The following SHISA9 variants were observed in gnomAD, a reference collection of about 807,000 sequenced individuals.
The protein encoded by SHISA9 is shisa family member 9.
Under a neutral mutation model 38.0 loss-of-function variants are expected in SHISA9, and 13 were observed. The observed-to-expected ratio is 0.34, with a 90% CI of 0.22 to 0.54. The LOEUF (loss-of-function observed/expected upper bound fraction) is 0.54. Among genes scored for constraint, SHISA9 ranks in the 20% least tolerant of loss-of-function variants. SHISA9 has a pLI of 0.91. For missense variants in SHISA9, 538 were observed against 575.8 expected, an observed-to-expected ratio of 0.93 and a Z score of 0.67; for synonymous variants, 275 against 242.0, an observed-to-expected ratio of 1.14 and a Z score of -1.27.
intron 2 of SHISA9, among the ~76,000 whole-genome samples, chr16:12,960,687 G>A (rs376611614): frequency 7.2e-5 from 11 of 152,310 alleles, no homozygotes; most frequent in African/African-American, 2.6e-4. Context: ...CACATCATGT[G>A]TTCTCACTTT....
intron 2 of SHISA9, among the ~76,000 whole-genome samples, chr16:13,061,349 T>C (rs775976591): frequency 1.2e-4 from 18 of 152,238 alleles, no homozygotes; most frequent in Non-Finnish European, 2.4e-4. Flanking sequence ...GGAAATAGTT[T>C]TGATGCCTAT....
chr16:13,354,843 G>C, the SHISA9 span, among the ~76,000 whole-genome samples: 26 of 152,150 alleles, frequency 1.7e-4, no homozygotes, highest in African/African-American at 5.3e-4. Flanking sequence ...GGGAGAGCAC[G>C]TGTGTTTTTA....
chr16:13,212,624 A>G (rs370641791), intron 3 of SHISA9, among the ~76,000 whole-genome samples: 5 of 152,196 alleles, frequency 3.3e-5, no homozygotes, highest in African/African-American at 1.2e-4. Context: ...GAATTTCCCT[A>G]CCTTAGAAAG....
chr16:13,057,863 C>T (rs1239879859), intron 2 of SHISA9, among the ~76,000 whole-genome samples: 1 of 152,146 alleles, frequency 6.6e-6, no homozygotes, highest in Non-Finnish European at 1.5e-5. Flanking sequence ...CATGTGTTCT[C>T]ATTGTTCAGC....
chr16:12,925,161 T>A (rs2071377681), intron 2 of SHISA9, among the ~76,000 whole-genome samples: 1 of 152,206 alleles, frequency 6.6e-6, no homozygotes, highest in Non-Finnish European at 1.5e-5. Flanking sequence ...ACCGTGTGTG[T>A]GTGTGCATGG....
chr16:13,303,230 C>T, the SHISA9 span, among the ~76,000 whole-genome samples: 3 of 152,050 alleles, frequency 2.0e-5, no homozygotes, highest in Admixed American at 1.3e-4. Context: ...TAAGTATATA[C>T]TCAAAAGAAA....
At chr16:13,072,357 G>A (rs1196820454) in intron 2 of SHISA9, among the ~76,000 whole-genome samples, 1 of 152,246 alleles carries the variant, frequency 6.6e-6, no homozygotes, top group African/African-American at 2.4e-5. Flanking sequence ...GGCCGGTGGG[G>A]CAGTAGCTTG....
the SHISA9 span, among the ~76,000 whole-genome samples, chr16:13,308,047 T>C: frequency 2.0e-5 from 3 of 152,238 alleles, no homozygotes; most frequent in African/African-American, 7.2e-5. Context: ...CCACATCTAA[T>C]GCTCATGTCT....
chr16:13,522,374 C>A, the SHISA9 span, among the ~76,000 whole-genome samples: 63,114 of 151,956 alleles, frequency 0.42, 13,175 homozygotes, highest in South Asian at 0.49. Context: ...ATCCTAATGA[C>A]ATGTTCAGAG....
chr16:13,096,407 AG>A (rs1277875470), intron 2 of SHISA9, among the ~76,000 whole-genome samples: 4 of 152,154 alleles, frequency 2.6e-5, no homozygotes, highest in African/African-American at 9.6e-5. Flanking sequence ...AAGTGGTTAA[AG>A]CAATAATCAT....
chr16:12,916,924 G>A (rs569613409), intron 2 of SHISA9, 109 bp downstream of exon 2: 29 of 1,247,052 alleles, frequency 2.3e-5, no homozygotes, highest in Non-Finnish European at 1.1e-6. Context: ...CTCTTTGTGG[G>A]CAAGTTAGAA....
chr16:12,978,659 C>T (rs1284748144), intron 2 of SHISA9, among the ~76,000 whole-genome samples: 3 of 152,208 alleles, frequency 2.0e-5, no homozygotes, highest in African/African-American at 2.4e-5. Flanking sequence ...AGCAGTGTCT[C>T]ATCACCTTGG....
chr16:13,171,440 G>T (rs767251288), intron 2 of SHISA9, among the ~76,000 whole-genome samples: 35 of 151,778 alleles, frequency 2.3e-4, no homozygotes, highest in South Asian at 8.4e-4. Flanking sequence ...GGAGGGACTT[G>T]TGCAGTGCTG....
downstream of SHISA9, among the ~76,000 whole-genome samples, chr16:13,243,769 G>GTT (rs34605909): frequency 0.012 from 1,055 of 89,798 alleles, 11 homozygotes; most frequent in East Asian, 0.025. Context: ...TTACAGCAGC[G>GTT]TTTTTTTTTT....
chr16:13,479,061 T>C, the SHISA9 span, among the ~76,000 whole-genome samples: 2 of 152,220 alleles, frequency 1.3e-5, no homozygotes, highest in Non-Finnish European at 2.9e-5. Flanking sequence ...GGTGTCATCA[T>C]GGCCTCCTAC....
intron 2 of SHISA9, among the ~76,000 whole-genome samples, chr16:13,032,544 A>T (rs1447616893): frequency 6.6e-6 from 1 of 152,132 alleles, no homozygotes; most frequent in African/African-American, 2.4e-5. Context: ...TGTAGTTTTT[A>T]TTGCATGATT....
intron 2 of SHISA9, among the ~76,000 whole-genome samples, chr16:13,111,342 TA>T (rs1334094791): frequency 9.6e-6 from 1 of 104,382 alleles, no homozygotes; most frequent in Non-Finnish European, 1.9e-5. Context: ...TTAAACAAAT[TA>T]CAAAAAAAAA....
At chr16:13,243,097 G>A (rs1405202382), downstream of SHISA9, among the ~76,000 whole-genome samples, 3 of 152,086 alleles carry the variant, frequency 2.0e-5, no homozygotes, top group Non-Finnish European at 4.4e-5. Context: ...AAATTAGCCT[G>A]GTGTGGTGGC....
chr16:12,928,779 C>T (rs777976282), intron 2 of SHISA9, among the ~76,000 whole-genome samples: 11 of 152,222 alleles, frequency 7.2e-5, no homozygotes, highest in South Asian at 2.1e-4. Flanking sequence ...GGAAGAAGCT[C>T]CTCATTCTGC....
Sources: gnomAD v4.1 joint callset for allele counts (sites outside exome capture counted in the v4.1 genomes callset) on GRCh38, gnomAD v4.1.1 for gene constraint, MANE v1.5 for transcripts, NCBI Gene and HGNC (gene_info 2026-07-23, HGNC 2026-07-21) for gene names.